CNTN1: variants seen among roughly 807,000 people sequenced by gnomAD.
CNTN1 encodes contactin 1, also known as contactin-1.
In CNTN1, 38 loss-of-function variants were observed where a neutral mutation model predicts 126.4. That is an observed-to-expected ratio of 0.30 (90% CI 0.23 to 0.39). The LOEUF (loss-of-function observed/expected upper bound fraction) is 0.39. Ranked by LOEUF, CNTN1 falls within the 10% of genes least tolerant of loss-of-function variation. CNTN1 has a pLI of 1.00. For synonymous variants in CNTN1, 413 were observed against 422.6 expected (o/e 0.98, Z 0.28); for missense variants, 1,009 against 1,248.4 (o/e 0.81, Z 2.89).
chr12:40,958,355 G>A (rs1592322269), intron 14 of CNTN1, among the ~76,000 whole-genome samples: 1 of 79,190 alleles, frequency 1.3e-5, no homozygotes, highest in Non-Finnish European at 3.3e-5. Flanking sequence ...GTATATATGT[G>A]TGTGTGTGTG....
chr12:41,046,426 A>C (rs1949540590), intron 23 of CNTN1, among the ~76,000 whole-genome samples: 1 of 152,144 alleles, frequency 6.6e-6, no homozygotes, highest in African/African-American at 2.4e-5. Flanking sequence ...TTACTTCAAT[A>C]ATACATTTCT....
At chr12:40,943,197 A>AATAATATAAATAAATAT (rs1369799472) in intron 12 of CNTN1, among the ~76,000 whole-genome samples, 1 of 152,136 alleles carries the variant, frequency 6.6e-6, no homozygotes, top group Non-Finnish European at 1.5e-5. Flanking sequence ...AAAGTTTCTA[A>AATAATATAAATAAATAT]AAATAAAATA....
At position 41,007,680 on chromosome 12, in the gene CNTN1, G is replaced by A. The variant is rs531217125; in HGVS notation, c.2114-6548G>A. On this transcript the variant is annotated intron_variant, in intron 17 of 23. Transcript: ENST00000551295. ...ACAGATTGGTTTGATCAGGTATGAC[G>A]TTCACACAATGCATGCGGAAGGTGG... 8.3e-4 allele frequency among the ~76,000 whole-genome samples: 127 copies of A among 152,312 alleles called. 1 individual carries two copies. Among genetic ancestry groups the A allele is most frequent in the African/African-American group, 2.8e-3 (118 of 41,570 alleles).
chr12:40,772,819 G>A (rs1939395180), intron 1 of CNTN1, among the ~76,000 whole-genome samples: 1 of 151,848 alleles, frequency 6.6e-6, no homozygotes. Flanking sequence ...TAGAAAGAAG[G>A]GCTTCATTAG....
chr12:40,820,565 T>C (rs949527586), intron 1 of CNTN1, among the ~76,000 whole-genome samples: 4 of 152,130 alleles, frequency 2.6e-5, no homozygotes, highest in Admixed American at 1.3e-4. Context: ...GGAACATGGG[T>C]ACAAGTGGAG....
At chr12:40,994,656 T>A (rs1015353966) in intron 17 of CNTN1, among the ~76,000 whole-genome samples, 18 of 152,088 alleles carry the variant, frequency 1.2e-4, no homozygotes, top group Non-Finnish European at 8.8e-5. Context: ...CTATGTGGTA[T>A]CTGTCTCCTA....
intron 6 of CNTN1, among the ~76,000 whole-genome samples, chr12:40,925,000 C>G (rs1945593412): frequency 6.7e-6 from 1 of 149,958 alleles, no homozygotes; most frequent in South Asian, 2.1e-4. Context: ...GATGTATAAT[C>G]AATCATTTTC....
intron 1 of CNTN1, among the ~76,000 whole-genome samples, chr12:40,786,274 GA>G (rs763573748): frequency 3.3e-5 from 5 of 152,158 alleles, no homozygotes; most frequent in Admixed American, 6.5e-5. Flanking sequence ...AAAGGCCAAA[GA>G]ATGCCTTTGT....
At chr12:40,859,530 G>GA (rs756497591) in intron 1 of CNTN1, among the ~76,000 whole-genome samples, 21 of 138,508 alleles carry the variant, frequency 1.5e-4, no homozygotes, top group South Asian at 1.2e-3. Context: ...TTGTGCAATG[G>GA]AAAAAAAAAC....
intron 1 of CNTN1, among the ~76,000 whole-genome samples, chr12:40,706,555 CT>C: frequency 6.6e-6 from 1 of 152,132 alleles, no homozygotes; most frequent in South Asian, 2.1e-4. Context: ...TATTTTGAAT[CT>C]TCAATGCCTA....
intron 1 of CNTN1, among the ~76,000 whole-genome samples, chr12:40,786,131 C>G (rs777266448): frequency 1.9e-4 from 29 of 152,144 alleles, no homozygotes; most frequent in Admixed American, 1.4e-3. Flanking sequence ...GGTTATATTT[C>G]TCTCTTGAGA....
chr12:41,003,207 G>A (rs962740173), intron 17 of CNTN1, among the ~76,000 whole-genome samples: 1 of 152,120 alleles, frequency 6.6e-6, no homozygotes, highest in Non-Finnish European at 1.5e-5. Context: ...TAATCATGTG[G>A]TTTTTGTCTT....
At chr12:40,939,600 C>A in intron 12 of CNTN1, 115 bp downstream of exon 12, 1 of 1,096,916 alleles carries the variant, frequency 9.1e-7, no homozygotes, top group Non-Finnish European at 1.3e-6. Flanking sequence ...TTTTTTTTTT[C>A]ACAGAAGATC....
At chr12:40,899,133 T>C (rs1473746669) in intron 1 of CNTN1, among the ~76,000 whole-genome samples, 4 of 152,228 alleles carry the variant, frequency 2.6e-5, no homozygotes, top group Non-Finnish European at 4.4e-5. Flanking sequence ...TTTATGCTTA[T>C]ATGTGAGAGC....
At chr12:41,061,075 G>A (rs1304046745) in intron 23 of CNTN1, among the ~76,000 whole-genome samples, 16 of 152,176 alleles carry the variant, frequency 1.1e-4, no homozygotes, top group Admixed American at 1.0e-3. Context: ...ACAGTATGCA[G>A]ATAGAATTGT....
intron 1 of CNTN1, among the ~76,000 whole-genome samples, chr12:40,907,268 T>C (rs1440955817): frequency 6.6e-6 from 1 of 152,174 alleles, no homozygotes; most frequent in African/African-American, 2.4e-5. Context: ...GTGTTTACCA[T>C]GGTTTCAGTG....
At chr12:41,045,751 T>C (rs1949526946) in intron 23 of CNTN1, among the ~76,000 whole-genome samples, 1 of 152,112 alleles carries the variant, frequency 6.6e-6, no homozygotes, top group African/African-American at 2.4e-5. Context: ...CCAGAGGCAG[T>C]TTTTATAGAC....
intron 1 of CNTN1, among the ~76,000 whole-genome samples, chr12:40,904,236 T>C (rs182993151): frequency 2.1e-4 from 32 of 152,184 alleles, no homozygotes; most frequent in African/African-American, 7.5e-4. Context: ...GCCAGGATGG[T>C]CTCAATCTCC....
At chr12:40,977,772 TTTTGTTTTGTTTTG>T (rs376034347) in intron 15 of CNTN1, among the ~76,000 whole-genome samples, 58,270 of 145,292 alleles carry the variant, frequency 0.4, 11,907 homozygotes, top group Non-Finnish European at 0.47. Flanking sequence ...ATCTGTTTTG[TTTTGTTTTGTTTTG>T]TTTTGTTTTG....
Sources: gnomAD v4.1 joint callset for allele counts (sites outside exome capture counted in the v4.1 genomes callset) on GRCh38, gnomAD v4.1.1 for gene constraint, MANE v1.5 for transcripts, NCBI Gene and HGNC (gene_info 2026-07-23, HGNC 2026-07-21) for gene names.